The following TENM2 variants were observed in gnomAD, a reference collection of about 807,000 sequenced individuals.
TENM2 encodes teneurin-2.
Under a neutral mutation model 245.2 loss-of-function variants are expected in TENM2, and 52 were observed. That is an observed-to-expected ratio of 0.21 (90% CI 0.17 to 0.27). The LOEUF (loss-of-function observed/expected upper bound fraction) is 0.27, where lower values mean the gene tolerates loss of function less well. Among genes scored for constraint, TENM2 ranks in the 10% least tolerant of loss-of-function variants. TENM2 has a pLI of 1.00. For missense variants in TENM2, 3,046 were observed against 3,666.8 expected, an observed-to-expected ratio of 0.83 and a Z score of 4.37; for synonymous variants, 1,363 against 1,438.9, an observed-to-expected ratio of 0.95 and a Z score of 1.19.
At chr5:168,051,621 T>C (rs1735685887) in intron 6 of TENM2, among the ~76,000 whole-genome samples, 1 of 152,156 alleles carries the variant, frequency 6.6e-6, no homozygotes, top group African/African-American at 2.4e-5. Flanking sequence ...TTATAATATA[T>C]TCTTGGTAAC....
chr5:167,027,004 T>C, the TENM2 span, among the ~76,000 whole-genome samples: 1 of 152,162 alleles, frequency 6.6e-6, no homozygotes, highest in African/African-American at 2.4e-5. Context: ...AAAGAACAGA[T>C]ACCGCTTATC....
At chr5:167,913,095 A>G (rs1320462492) in intron 3 of TENM2, among the ~76,000 whole-genome samples, 1 of 152,178 alleles carries the variant, frequency 6.6e-6, no homozygotes. Flanking sequence ...CCTCAGCGAG[A>G]TAGAGCAGCA....
intron 5 of TENM2, among the ~76,000 whole-genome samples, chr5:168,039,065 GCA>G (rs2151996569): frequency 6.6e-6 from 1 of 152,234 alleles, no homozygotes; most frequent in Admixed American, 6.5e-5. Flanking sequence ...GTCCTAATTG[GCA>G]CACTCTGACC....
intron 10 of TENM2, among the ~76,000 whole-genome samples, chr5:168,124,146 C>T (rs1391304293): frequency 1.3e-5 from 2 of 152,182 alleles, no homozygotes; most frequent in Admixed American, 6.5e-5. Context: ...AAGGTCAGTG[C>T]CTCAGCCAGA....
intron 2 of TENM2, among the ~76,000 whole-genome samples, chr5:167,841,494 A>C (rs1769515518): frequency 6.6e-6 from 1 of 152,148 alleles, no homozygotes; most frequent in African/African-American, 2.4e-5. Context: ...TTGCAGTATC[A>C]TTCTCTCCCA....
intron 1 of TENM2, among the ~76,000 whole-genome samples, chr5:167,349,814 A>C (rs758733835): frequency 2.0e-5 from 3 of 152,158 alleles, no homozygotes; most frequent in Non-Finnish European, 4.4e-5. Context: ...AAGTTATGCT[A>C]TCATCTCTTT....
At chr5:167,410,565 G>A (rs1020780860) in intron 2 of TENM2, among the ~76,000 whole-genome samples, 3 of 151,106 alleles carry the variant, frequency 2.0e-5, no homozygotes, top group Non-Finnish European at 4.4e-5. Flanking sequence ...AAAAAAAAAT[G>A]TGTCTAAGTG....
At chr5:167,400,804 A>G (rs1398426503) in intron 2 of TENM2, among the ~76,000 whole-genome samples, 1 of 152,182 alleles carries the variant, frequency 6.6e-6, no homozygotes, top group Non-Finnish European at 1.5e-5. Context: ...AAGTAGAGCA[A>G]GGTCAACCAT....
chr5:168,047,263 C>T (rs961829898), intron 5 of TENM2, among the ~76,000 whole-genome samples, 164 bp from the exon 8 acceptor site: 1 of 152,182 alleles, frequency 6.6e-6, no homozygotes, highest in African/African-American at 2.4e-5. Context: ...CCACCCAGGT[C>T]TCTGCTTTCT....
At chr5:167,191,240 G>T in the TENM2 span, among the ~76,000 whole-genome samples, 7 of 151,762 alleles carry the variant, frequency 4.6e-5, no homozygotes, top group Admixed American at 6.6e-5. Context: ...GTTACATACA[G>T]CATATATGTT....
At chr5:167,115,456 C>A in the TENM2 span, among the ~76,000 whole-genome samples, 3 of 152,174 alleles carry the variant, frequency 2.0e-5, no homozygotes, top group Non-Finnish European at 4.4e-5. Flanking sequence ...TCCCTCAGGG[C>A]CTCATCATTT....
chr5:167,109,119 C>A, the TENM2 span, among the ~76,000 whole-genome samples: 1 of 152,006 alleles, frequency 6.6e-6, no homozygotes, highest in African/African-American at 2.4e-5. Flanking sequence ...GACTTTTTAA[C>A]TAATTGCAAA....
intron 3 of TENM2, among the ~76,000 whole-genome samples, chr5:167,923,490 A>T (rs1038815774): frequency 6.6e-6 from 1 of 152,134 alleles, no homozygotes; most frequent in Non-Finnish European, 1.5e-5. Context: ...TACCTGTATA[A>T]TCTCAGAACC....
At chr5:167,671,543 C>T (rs745655125) in intron 2 of TENM2, among the ~76,000 whole-genome samples, 85 of 151,672 alleles carry the variant, frequency 5.6e-4, no homozygotes, top group Non-Finnish European at 1.1e-3. Context: ...GATTTGACAT[C>T]GAGTTAGGCA....
At chr5:167,356,217 A>AAAAAAAAAAAAAGAAAAAGAAAAATT (rs1759321624) in intron 1 of TENM2, among the ~76,000 whole-genome samples, 1 of 129,104 alleles carries the variant, frequency 7.7e-6, no homozygotes, top group African/African-American at 3.2e-5. Flanking sequence ...AAAAAAAAAA[A>AAAAAAAAAAAAAGAAAAAGAAAAATT]AAAATTAAAA....
the TENM2 span, among the ~76,000 whole-genome samples, chr5:167,199,288 C>T: frequency 6.6e-6 from 1 of 151,954 alleles, no homozygotes; most frequent in African/African-American, 2.4e-5. Context: ...CTTTCAGTAG[C>T]ACAGAGAATA....
At chr5:167,462,580 AG>A (rs546127707) in intron 2 of TENM2, among the ~76,000 whole-genome samples, 6 of 152,148 alleles carry the variant, frequency 3.9e-5, no homozygotes, top group Admixed American at 3.9e-4. Context: ...GGAGCTGGAA[AG>A]GGGATGGAGT....
chr5:167,160,846 A>T, the TENM2 span, among the ~76,000 whole-genome samples: 3 of 152,222 alleles, frequency 2.0e-5, no homozygotes, highest in African/African-American at 7.2e-5. Context: ...AACACCAAGG[A>T]AGCTCAGTAA....
At chr5:167,441,481 G>A (rs4562064) in intron 2 of TENM2, among the ~76,000 whole-genome samples, 37,264 of 152,104 alleles carry the variant, frequency 0.24, 5,302 homozygotes, top group Non-Finnish European at 0.32. Context: ...CTTTATCAGC[G>A]TGTGCTTCAT....
Sources: allele counts gnomAD v4.1 joint callset (sites outside exome capture counted in the v4.1 genomes callset), GRCh38; gene constraint gnomAD v4.1.1; transcripts MANE v1.5; gene names NCBI Gene and HGNC (gene_info 2026-07-23, HGNC 2026-07-21).